AGMO: variants seen among roughly 807,000 people sequenced by gnomAD.
AGMO encodes glyceryl-ether monooxygenase.
AGMO carries 75 observed loss-of-function variants against 60.2 expected under a neutral mutation model. That is an observed-to-expected ratio of 1.25 (90% CI 1.03 to 1.51). The LOEUF (loss-of-function observed/expected upper bound fraction) is 1.51, where lower values mean the gene tolerates loss of function less well. AGMO is among the 40% of genes most tolerant of loss of function. AGMO has a pLI of 0.00. For synonymous variants in AGMO, 261 were observed against 177.1 expected, an observed-to-expected ratio of 1.47 and a Z score of -3.76; for missense variants, 763 against 525.5, an observed-to-expected ratio of 1.45 and a Z score of -4.42.
chr7:15,273,465 T>G (rs1268832544), intron 12 of AGMO, among the ~76,000 whole-genome samples: 1 of 152,202 alleles, frequency 6.6e-6, no homozygotes, highest in African/African-American at 2.4e-5. Context: ...GGCTTTGTTT[T>G]GTTCCACTGG....
chr7:15,398,311 T>C (rs1036971808), intron 5 of AGMO, among the ~76,000 whole-genome samples: 1 of 152,072 alleles, frequency 6.6e-6, no homozygotes, highest in Non-Finnish European at 1.5e-5. Context: ...GCGGTGAAAA[T>C]CTTTTGCTCC....
At chr7:15,492,686 CGTT>C (rs1409793013) in intron 3 of AGMO, among the ~76,000 whole-genome samples, 1 of 151,876 alleles carries the variant, frequency 6.6e-6, no homozygotes, top group Non-Finnish European at 1.5e-5. Context: ...TCTAGTTCAC[CGTT>C]GTTTCCCCAA....
rs137954102 is a variant in AGMO, at chr7:15,244,632, C to CTT, written c.1264-43275_1264-43274dup. On this transcript the variant is annotated intron_variant, in intron 12 of 12. Transcript: ENST00000342526. ...AAAGACAATAAAGTATTTGCTCATT[C>CTT]TTTTTTTTGTTTGTTTGTTTGTTTT... Among the ~76,000 whole-genome samples, 844 of 151,422 alleles carry CTT rather than the reference C, an allele frequency of 5.6e-3. 7 individuals are homozygous for CTT. The highest frequency in any genetic ancestry group is 0.02 in the African/African-American group (799 of 40,930).
intron 3 of AGMO, among the ~76,000 whole-genome samples, chr7:15,458,324 A>G (rs558502883): frequency 1.8e-3 from 275 of 152,266 alleles, no homozygotes; most frequent in Non-Finnish European, 3.0e-3. Flanking sequence ...GTATATAAAA[A>G]CAATATTGTA....
intron 12 of AGMO, among the ~76,000 whole-genome samples, chr7:15,216,227 T>TCAGG (rs1781732266): frequency 6.6e-6 from 1 of 152,110 alleles, no homozygotes; most frequent in Admixed American, 6.6e-5. Flanking sequence ...TAGCAAACTT[T>TCAGG]CAGGCCAAAC....
At chr7:15,327,127 T>G (rs746115444) in intron 12 of AGMO, among the ~76,000 whole-genome samples, 2 of 152,138 alleles carry the variant, frequency 1.3e-5, no homozygotes, top group Non-Finnish European at 2.9e-5. Flanking sequence ...AGCTTAAGAG[T>G]AGGTCTAATT....
rs548827245 is a variant in AGMO, at chr7:15,384,229, G to GC, written c.1074+1216dup. Among the ~76,000 whole-genome samples the GC allele has an allele frequency of 9.9e-5, 15 of 152,156 alleles. No individual in the cohort carries two copies. The South Asian group carries it at 2.5e-3, about 25-fold the overall frequency. On this transcript the variant is annotated intron_variant, in intron 10 of 12. Transcript: ENST00000342526. ...TGGGATTACAGGCATGAGCCACCAC[G>GC]CCCAGCCTCAATTTAGTCCATCTTT...
chr7:15,245,787 A>G (rs1164960114), intron 12 of AGMO, among the ~76,000 whole-genome samples: 1 of 152,194 alleles, frequency 6.6e-6, no homozygotes, highest in Non-Finnish European at 1.5e-5. Context: ...CAGAAATAGC[A>G]CAAATGCTTG....
chr7:15,212,287 C>CAA (rs1461379241), intron 12 of AGMO, among the ~76,000 whole-genome samples: 4 of 145,358 alleles, frequency 2.8e-5, no homozygotes, highest in African/African-American at 5.2e-5. Context: ...CACACACACA[C>CAA]AAATAGCATG....
intron 12 of AGMO, among the ~76,000 whole-genome samples, chr7:15,303,062 G>A (rs1215259890): frequency 6.6e-6 from 1 of 152,060 alleles, no homozygotes; most frequent in Non-Finnish European, 1.5e-5. Flanking sequence ...TCCACACAGG[G>A]AGAACAGAAT....
chr7:15,357,051 G>A (rs1305307742), intron 12 of AGMO, among the ~76,000 whole-genome samples: 2 of 151,640 alleles, frequency 1.3e-5, no homozygotes, highest in East Asian at 1.9e-4. Flanking sequence ...TTAAACCTGG[G>A]AGGCGGAGGA....
At chr7:15,340,367 C>T (rs1252256386) in intron 12 of AGMO, among the ~76,000 whole-genome samples, 1 of 152,144 alleles carries the variant, frequency 6.6e-6, no homozygotes, top group African/African-American at 2.4e-5. Flanking sequence ...CTTAGGGATG[C>T]TCAACCTAAT....
At chr7:15,315,091 T>G (rs1378256892) in intron 12 of AGMO, among the ~76,000 whole-genome samples, 2 of 152,020 alleles carry the variant, frequency 1.3e-5, no homozygotes, top group African/African-American at 4.8e-5. Context: ...ACAAAGAGCT[T>G]GGAGTGAACC....
intron 3 of AGMO, among the ~76,000 whole-genome samples, chr7:15,485,960 A>G (rs1380413683): frequency 1.3e-5 from 2 of 152,128 alleles, no homozygotes; most frequent in Admixed American, 6.5e-5. Context: ...GTTCAATTAT[A>G]CTTTACCACA....
intron 3 of AGMO, among the ~76,000 whole-genome samples, chr7:15,528,619 A>G (rs1784187700): frequency 6.6e-6 from 1 of 152,064 alleles, no homozygotes; most frequent in African/African-American, 2.4e-5. Context: ...AGGAGGAACA[A>G]TCAGATGACT....
intron 12 of AGMO, among the ~76,000 whole-genome samples, chr7:15,322,513 T>A (rs1414263501): frequency 3.4e-5 from 3 of 88,852 alleles, no homozygotes; most frequent in African/African-American, 1.6e-4. Flanking sequence ...TAAATATATA[T>A]ATAAATATAT....
intron 12 of AGMO, among the ~76,000 whole-genome samples, chr7:15,260,346 C>T (rs1036070012): frequency 2.6e-5 from 4 of 151,652 alleles, no homozygotes; most frequent in Admixed American, 2.6e-4. Context: ...ATGAACACCA[C>T]AAGAGAGCAG....
At chr7:15,346,779 C>CA (rs1281463905) in intron 12 of AGMO, among the ~76,000 whole-genome samples, 6 of 151,478 alleles carry the variant, frequency 4.0e-5, no homozygotes, top group Admixed American at 6.6e-5. Flanking sequence ...AGAATATAAG[C>CA]AAAAAAACAA....
the AGMO span, among the ~76,000 whole-genome samples, chr7:15,122,544 G>A: frequency 2.6e-5 from 4 of 151,974 alleles, no homozygotes; most frequent in African/African-American, 9.7e-5. Flanking sequence ...TTTCCAAAAT[G>A]AGCTCCTAAT....
Sources: gnomAD v4.1 joint callset for allele counts (sites outside exome capture counted in the v4.1 genomes callset) on GRCh38, gnomAD v4.1.1 for gene constraint, MANE v1.5 for transcripts, NCBI Gene and HGNC (gene_info 2026-07-23, HGNC 2026-07-21) for gene names.